The following DECR1 variants were observed in gnomAD, a reference collection of about 807,000 sequenced individuals.
DECR1 encodes 2,4-dienoyl-CoA reductase [(3E)-enoyl-CoA-producing], mitochondrial.
In DECR1, 44 loss-of-function variants were observed where a neutral mutation model predicts 38.8. The ratio of observed to expected loss-of-function variants is 1.13; its 90% CI spans 0.89 to 1.46. The LOEUF (loss-of-function observed/expected upper bound fraction) is 1.46. DECR1 is among the 40% of genes most tolerant of loss of function. The pLI is 0.00. For missense variants in DECR1, 428 were observed against 405.5 expected (o/e 1.06, Z -0.48); for synonymous variants, 148 against 135.2 (o/e 1.09, Z -0.66).
chr8:90,043,308 A>G (rs1422467199), intron 7 of DECR1, among the ~76,000 whole-genome samples: 1 of 152,148 alleles, frequency 6.6e-6, no homozygotes, highest in Non-Finnish European at 1.5e-5. Flanking sequence ...CATGTCATCT[A>G]ACGCCCACAT....
At chr8:90,024,716 T>C (rs1813281698) in intron 5 of DECR1, among the ~76,000 whole-genome samples, 1 of 152,232 alleles carries the variant, frequency 6.6e-6, no homozygotes, top group Non-Finnish European at 1.5e-5. Flanking sequence ...AGAAGCTCTT[T>C]AGTTTAATTA....
At chr8:90,049,355 A>G (rs1299256004) in intron 8 of DECR1, among the ~76,000 whole-genome samples, 1 of 152,220 alleles carries the variant, frequency 6.6e-6, no homozygotes, top group African/African-American at 2.4e-5. Flanking sequence ...TCAATGTGCA[A>G]AAATCACAAG....
At chr8:90,013,722 A>G (rs962179928) in intron 1 of DECR1, among the ~76,000 whole-genome samples, 1 of 152,154 alleles carries the variant, frequency 6.6e-6, no homozygotes, top group East Asian at 1.9e-4. Flanking sequence ...TTAAAAACAT[A>G]TTTGGCCTAG....
intron 5 of DECR1, among the ~76,000 whole-genome samples, chr8:90,026,980 C>T (rs1010287139): frequency 8.5e-5 from 13 of 152,306 alleles, no homozygotes; most frequent in African/African-American, 2.6e-4. Flanking sequence ...TCGTTATGTA[C>T]CCAGTAGTCA....
intron 5 of DECR1, among the ~76,000 whole-genome samples, chr8:90,024,661 C>T (rs1463215693): frequency 6.6e-6 from 1 of 152,060 alleles, no homozygotes; most frequent in Non-Finnish European, 1.5e-5. Context: ...TTCTCCCATT[C>T]TGTAGGTTGC....
intron 4 of DECR1, 67 bp downstream of exon 4, chr8:90,019,239 C>A: frequency 7.8e-7 from 1 of 1,282,314 alleles, no homozygotes; most frequent in South Asian, 1.2e-5. Flanking sequence ...CCAACATGTA[C>A]AAAGGAAATA....
intron 9 of DECR1, 23 bp from the exon 10 acceptor site, chr8:90,051,815 A>T: frequency 6.2e-7 from 1 of 1,613,632 alleles, no homozygotes; most frequent in Non-Finnish European, 8.5e-7. Flanking sequence ...AAGGACATTA[A>T]ATTGACATCT....
chr8:90,035,145 A>G (rs1813589272), intron 5 of DECR1, among the ~76,000 whole-genome samples: 1 of 152,048 alleles, frequency 6.6e-6, no homozygotes, highest in South Asian at 2.1e-4. Flanking sequence ...TGCAATTAGG[A>G]TTCTATATAT....
chr8:90,030,188 A>G (rs1350475774), intron 5 of DECR1, among the ~76,000 whole-genome samples: 1 of 152,148 alleles, frequency 6.6e-6, no homozygotes, highest in Non-Finnish European at 1.5e-5. Flanking sequence ...CTGATCTGAC[A>G]TTAGGTGGAG....
At chr8:90,020,831 A>C in intron 4 of DECR1, 78 bp from the exon 5 acceptor site, 1 of 1,197,010 alleles carries the variant, frequency 8.4e-7, no homozygotes, top group Non-Finnish European at 1.1e-6. Flanking sequence ...CTATTAATAC[A>C]TTTCAGAAAA....
At chr8:90,006,106 C>A in intron 1 of DECR1, 1 of 666,446 alleles carries the variant, frequency 1.5e-6, no homozygotes. Flanking sequence ...TTAGACCCCA[C>A]CTCCAACATT....
intron 5 of DECR1, among the ~76,000 whole-genome samples, chr8:90,027,659 T>G (rs1813385172): frequency 6.6e-6 from 1 of 152,116 alleles, no homozygotes; most frequent in African/African-American, 2.4e-5. Flanking sequence ...TGATGGGTCT[T>G]GACTCTTTAT....
rs1406667113 is a variant in DECR1, at chr8:90,019,159, C to T, written c.404C>T (p.Ala135Val). 1 of 1,613,942 alleles carries T rather than the reference C, an allele frequency of 6.2e-7. No homozygotes were observed. The highest frequency in any genetic ancestry group is 1.1e-5 in the South Asian group (1 of 91,070). Residue 135 changes from alanine to valine, a missense_variant, in exon 4 of 10, where the codon GCA (alanine) becomes GTA (valine). Coordinates refer to ENST00000220764, the MANE Select transcript of DECR1 (RefSeq NM_001359.2). ...ACTGTGTCAGAACTGATCAAAGTTG[C>T]AGGACATCCTAATGTAAGTGTAGCA... The part of the protein sequence containing the change: ...QNTVSELIKV[A>V]GHPNIVINNA...
intron 6 of DECR1, among the ~76,000 whole-genome samples, chr8:90,041,066 C>A (rs941288464): frequency 1.3e-5 from 2 of 152,202 alleles, no homozygotes; most frequent in African/African-American, 4.8e-5. Flanking sequence ...CCCACAATGG[C>A]TGAACTAATT....
intron 5 of DECR1, among the ~76,000 whole-genome samples, chr8:90,023,867 C>T (rs1813230330): frequency 6.6e-6 from 1 of 152,102 alleles, no homozygotes; most frequent in Admixed American, 6.6e-5. Context: ...TCCCTCCTCT[C>T]TCCCCCAACC....
chr8:90,026,064 G>A (rs1294813960), intron 5 of DECR1, among the ~76,000 whole-genome samples: 1 of 152,194 alleles, frequency 6.6e-6, no homozygotes, highest in East Asian at 1.9e-4. Context: ...TGCATCCCAG[G>A]GATGAAGCCC....
chr8:90,042,661 C>A, intron 6 of DECR1, 67 bp from the exon 7 acceptor site: 9 of 1,345,644 alleles, frequency 6.7e-6, no homozygotes, highest in Non-Finnish European at 9.6e-6. Context: ...TAGTGAGTCT[C>A]AGTTATTACT....
chr8:90,004,972 A>G (rs759278451), intron 1 of DECR1, among the ~76,000 whole-genome samples: 8 of 152,226 alleles, frequency 5.3e-5, no homozygotes, highest in Non-Finnish European at 1.0e-4. Context: ...ATTATAATGC[A>G]TATATGACCC....
rs754221305 is a variant in DECR1, at chr8:90,051,652, G to A, written c.886-25G>A. 20 of 1,598,142 alleles carry A rather than the reference G, an allele frequency of 1.3e-5. 1 individual carries two copies. In the South Asian group the frequency reaches 1.3e-4, roughly 11 times the overall value. ...AACTTTTTAAAAGGAGTTAGTTTCA[G>A]AGTTTAAAAATTTGTTTTTTCCAGG... On this transcript the variant is annotated intron_variant, in intron 8 of 9. Coordinates refer to ENST00000220764, the MANE Select transcript of DECR1 (RefSeq NM_001359.2).
Sources: allele counts gnomAD v4.1 joint callset (sites outside exome capture counted in the v4.1 genomes callset), GRCh38; gene constraint gnomAD v4.1.1; transcripts MANE v1.5; gene names NCBI Gene and HGNC (gene_info 2026-07-23, HGNC 2026-07-21).